Variants in OPA1 observed in about 807,000 individuals in gnomAD.
The protein encoded by OPA1 is OPA1 mitochondrial dynamin like GTPase.
A neutral mutation model predicts 152.9 loss-of-function variants in OPA1; 59 were observed. The observed-to-expected ratio is 0.39, with a 90% CI of 0.31 to 0.48. The LOEUF is 0.48. Among genes scored for constraint, OPA1 ranks in the 20% least tolerant of loss-of-function variants. OPA1 has a pLI of 0.96. For missense variants in OPA1, 1,008 were observed against 1,216.8 expected (o/e 0.83, Z 2.55); for synonymous variants, 400 against 389.9 (o/e 1.03, Z -0.31).
intron 1 of OPA1, among the ~76,000 whole-genome samples, chr3:193,594,046 G>T (rs1725109885): frequency 6.6e-6 from 1 of 152,168 alleles, no homozygotes; most frequent in African/African-American, 2.4e-5. Flanking sequence ...GCAAGGTCGT[G>T]AACGTGGCAC....
At chr3:193,610,239 AG>A (rs987814450) in intron 1 of OPA1, among the ~76,000 whole-genome samples, 20 of 152,106 alleles carry the variant, frequency 1.3e-4, no homozygotes, top group African/African-American at 2.4e-5. Context: ...TCTGTTTGTT[AG>A]TTTTCCTTCT....
At chr3:193,628,221 A>C (rs1306601910) in intron 7 of OPA1, among the ~76,000 whole-genome samples, 1 of 151,908 alleles carries the variant, frequency 6.6e-6, no homozygotes, top group Admixed American at 6.6e-5. Context: ...ATCTTCTTGA[A>C]AGTCTAAGTA....
chr3:193,658,118 G>T (rs986930231), intron 23 of OPA1, among the ~76,000 whole-genome samples: 7 of 151,908 alleles, frequency 4.6e-5, no homozygotes, highest in African/African-American at 1.7e-4. Context: ...GGTGGTGCAT[G>T]CCTGTAATCC....
At position 193,635,428 on chromosome 3, in the gene OPA1, A is replaced by G. The variant is rs1732781086; in HGVS notation, c.854A>G (p.Gln285Arg). Residue 285 changes from glutamine (Q) to arginine (R), a missense_variant, in exon 9 of 31, where the codon CAG becomes CGG. This residue lies in a region of OPA1 where 408 missense variants were observed against 395.1 expected (regional missense o/e 1.03). Coordinates refer to ENST00000361510, the MANE Select transcript of OPA1 (RefSeq NM_130837.3). ...EELLHTQLKY[Q>R]RILERLEKEN... Reference sequence around the variant, plus strand: ...ATTATTTTATTGCAGTTGAAGTATCAGAGAATCTTGGAACGATTAGAAAAG... The same window carrying G: ...ATTATTTTATTGCAGTTGAAGTATCGGAGAATCTTGGAACGATTAGAAAAG... The G allele has an allele frequency of 6.3e-7, 1 of 1,591,470 alleles. No individual in the cohort carries two copies. Among genetic ancestry groups the G allele is most frequent in the African/African-American group, 1.3e-5 (1 of 74,494 alleles).
chr3:193,688,169 G>A (rs1284260586), intron 29 of OPA1, among the ~76,000 whole-genome samples: 2 of 152,088 alleles, frequency 1.3e-5, no homozygotes, highest in African/African-American at 2.4e-5. Context: ...TATCTTCTGT[G>A]CCATATTTTG....
chr3:193,605,347 A>G (rs1471350861), intron 1 of OPA1, among the ~76,000 whole-genome samples: 1 of 152,170 alleles, frequency 6.6e-6, no homozygotes, highest in African/African-American at 2.4e-5. Context: ...TTGTTTTTTA[A>G]CTGGTAGGAT....
intron 29 of OPA1, among the ~76,000 whole-genome samples, chr3:193,677,448 T>G (rs1431753863): frequency 6.6e-6 from 1 of 152,168 alleles, no homozygotes; most frequent in Non-Finnish European, 1.5e-5. Flanking sequence ...CGTTTTTATT[T>G]TTAAATTATG....
Position 193,648,931 on chromosome 3 carries a change from T to C in OPA1, c.2012+60T>C, listed in dbSNP as rs1711701876. The C allele has an allele frequency of 6.2e-6, 7 of 1,120,984 alleles. No homozygotes were observed. The South Asian group carries it at 8.7e-5, about 14-fold the overall frequency. 69.4% of individuals were successfully genotyped at this position (1,120,984 alleles called of 1,614,324 possible). On this transcript the variant is annotated intron_variant, in intron 21 of 30. Transcript: ENST00000361510. ...CTTTACTGTACAGGTTATAATGAAA[T>C]GCTAAAACTTAGATTGATAAAGCAG...
At chr3:193,643,164 C>A in intron 13 of OPA1, 115 bp downstream of exon 13, 1 of 950,790 alleles carries the variant, frequency 1.1e-6, no homozygotes, top group Non-Finnish European at 1.6e-6. Context: ...ATATGTAGAG[C>A]TTTTAAAAAA....
intron 21 of OPA1, 129 bp downstream of exon 21, chr3:193,649,000 TA>T (rs745710416): frequency 1.5e-5 from 10 of 662,052 alleles, no homozygotes; most frequent in South Asian, 3.5e-5. Flanking sequence ...CGTAATAGTA[TA>T]TTTTTTTGGC....
At chr3:193,637,667 A>T (rs888973831) in intron 10 of OPA1, among the ~76,000 whole-genome samples, 2 of 152,196 alleles carry the variant, frequency 1.3e-5, no homozygotes. Flanking sequence ...TATGGAAAAG[A>T]TTTATGGAAA....
At chr3:193,686,796 G>A (rs1222546114) in intron 29 of OPA1, among the ~76,000 whole-genome samples, 1 of 152,208 alleles carries the variant, frequency 6.6e-6, no homozygotes, top group African/African-American at 2.4e-5. Flanking sequence ...CTTAGAGGGT[G>A]TCTTAAAGCT....
At chr3:193,609,532 C>T (rs1024562965) in intron 1 of OPA1, among the ~76,000 whole-genome samples, 7 of 152,030 alleles carry the variant, frequency 4.6e-5, no homozygotes, top group Non-Finnish European at 7.4e-5. Flanking sequence ...TTGCTCTTTT[C>T]GAGGAGTATC....
intron 29 of OPA1, among the ~76,000 whole-genome samples, chr3:193,683,740 A>C: frequency 6.6e-6 from 1 of 152,210 alleles, no homozygotes; most frequent in East Asian, 1.9e-4. Flanking sequence ...ATTTGTTAGC[A>C]ATAAAGTACT....
intron 11 of OPA1, 133 bp from the exon 12 acceptor site, chr3:193,642,632 G>T: frequency 1.4e-6 from 1 of 704,658 alleles, no homozygotes; most frequent in East Asian, 2.5e-5. Flanking sequence ...GCTTCAGGGG[G>T]TGCCCCAGCA....
rs1208939667 is a variant in OPA1, at chr3:193,695,173, A to G, written c.*573A>G. The G allele has an allele frequency of 6.6e-6, 1 of 152,198 alleles. No homozygotes were observed. The highest frequency in any genetic ancestry group is 1.5e-5 in the Non-Finnish European group (1 of 68,026). The allele number at this position is 152,198 out of a possible 1,614,324, so 9.4% of individuals were successfully genotyped here. A position where few individuals can be genotyped will look rare whatever the true frequency, so the allele number is the denominator to read the frequency against. On this transcript the variant is annotated 3_prime_UTR_variant, in exon 31 of 31. Coordinates refer to ENST00000361510, the MANE Select transcript of OPA1 (RefSeq NM_130837.3). ...ACAGAAGAACCCTTAAAACAGGTTA[A>G]TTTGGATTGTAACGTTCAGTGAAAG...
rs1729513931 is a variant in OPA1, at chr3:193,618,873, T to C, written c.615T>C (p.Ser205=). The C allele has an allele frequency of 3.1e-6, 5 of 1,613,086 alleles. No individual in the cohort carries two copies. Among genetic ancestry groups the C allele is most frequent in the Non-Finnish European group, 4.2e-6 (5 of 1,179,178 alleles). Residue 205 remains serine, a synonymous_variant, in exon 6 of 31, where the codon TCT becomes TCC. Coordinates refer to ENST00000361510, the MANE Select transcript of OPA1 (RefSeq NM_130837.3). ...GGTTGCATATTTATCTTTAAGGTTC[T>C]CCGGAAGAAACGGCGTTTAGAGCAA... ...GASDLLLLLG[S]PEETAFRATD...
intron 1 of OPA1, among the ~76,000 whole-genome samples, chr3:193,597,584 A>T (rs1725802700): frequency 6.6e-6 from 1 of 151,460 alleles, no homozygotes; most frequent in Admixed American, 6.6e-5. Flanking sequence ...CCAGCTACTC[A>T]GGAGGCTGAG....
At chr3:193,679,116 G>C (rs933250099) in intron 29 of OPA1, among the ~76,000 whole-genome samples, 1 of 152,086 alleles carries the variant, frequency 6.6e-6, no homozygotes, top group African/African-American at 2.4e-5. Context: ...AACAGCATAC[G>C]CCAGGGCCTG....
Sources: allele counts gnomAD v4.1 joint callset (sites outside exome capture counted in the v4.1 genomes callset), GRCh38; gene constraint gnomAD v4.1.1; regional missense constraint gnomAD v4.1.1; transcripts MANE v1.5; gene names NCBI Gene and HGNC (gene_info 2026-07-23, HGNC 2026-07-21).